Variants in MATN1 observed in about 807,000 individuals in gnomAD.
The protein encoded by MATN1 is matrilin 1.
In MATN1, 34 loss-of-function variants were observed where a neutral mutation model predicts 41.3. That is an observed-to-expected ratio of 0.82 (90% CI 0.63 to 1.10). MATN1 has a LOEUF of 1.10. Among genes scored for constraint, MATN1 ranks in the 50% least tolerant of loss-of-function variants. The probability of loss-of-function intolerance (pLI) is 0.00; values close to 1 mark genes in which losing one functional copy is unlikely to be tolerated. For missense variants in MATN1, 602 were observed against 662.4 expected (o/e 0.91, Z 1.00); for synonymous variants, 264 against 278.7 (o/e 0.95, Z 0.53).
At chr1:30,714,464 A>G in intron 6 of MATN1, 137 bp from the exon 7 acceptor site, 1 of 692,902 alleles carries the variant, frequency 1.4e-6, no homozygotes, top group Admixed American at 2.2e-5. Context: ...GAGGAGGCAG[A>G]AAGATATAGA....
At chr1:30,714,528 T>A (rs557655697) in intron 6 of MATN1, among the ~76,000 whole-genome samples, 1 of 152,320 alleles carries the variant, frequency 6.6e-6, no homozygotes, top group South Asian at 2.1e-4. Flanking sequence ...CCTGAACGTC[T>A]TCCTGGTCCC....
Position 30,721,439 on chromosome 1 carries a change from T to C in MATN1, c.407A>G (p.Glu136Gly), listed in dbSNP as rs1158109294. Reference protein sequence around the residue: ...FAITKAFGDAEGGRSRSPDIS... With the variant: ...FAITKAFGDAGGGRSRSPDIS... ...GTCAGGGGACCTGGAACGACCACCC[T>C]CTGCATCGCCGAAGGCTTTGGTGAT... Residue 136 changes from glutamate (E) to glycine (G), a missense_variant, in exon 2 of 8, where the codon GAG becomes GGG. Glu to Gly is a moderately conservative substitution (Grantham distance 98, BLOSUM62 -2). Coordinates refer to ENST00000373765, the MANE Select transcript of MATN1 (RefSeq NM_002379.3). 1.2e-6 allele frequency: 2 copies of C among 1,612,528 alleles called. No individual in the cohort carries two copies. The highest frequency in any genetic ancestry group is 2.2e-5 in the South Asian group (2 of 91,070).
In MATN1 at chr1:30,716,900, C is replaced by T; in HGVS notation, c.680G>A (p.Cys227Tyr). ...CTCACAGTCATGGTCCCCTGTGGCGCACAGGTCTGACACCACTGCGGGGAC... is the reference window on the plus strand; with the variant it reads ...CTCACAGTCATGGTCCCCTGTGGCGTACAGGTCTGACACCACTGCGGGGAC... ...QEAFCVVSDLCATGDHDCEQV... is the reference protein window; with the variant it reads ...QEAFCVVSDLYATGDHDCEQV... The change falls in exon 4 of 8, where the codon TGC becomes TAC. Residue 227 changes from cysteine (C) to tyrosine (Y), a missense_variant. Cys to Tyr is a radical substitution (Grantham distance 194, BLOSUM62 -2). Transcript: ENST00000373765. 6.2e-7 allele frequency: 1 copy of T among 1,613,436 alleles called. No homozygotes were observed. The highest frequency in any genetic ancestry group is 1.1e-5 in the South Asian group (1 of 90,960).
intron 6 of MATN1, among the ~76,000 whole-genome samples, chr1:30,714,535 TC>T (rs984472830): frequency 6.6e-6 from 1 of 152,112 alleles, no homozygotes; most frequent in Non-Finnish European, 1.5e-5. Flanking sequence ...GTCTTCCTGG[TC>T]CCTTGGAGCC....
At position 30,721,602 on chromosome 1, in the gene MATN1, T is replaced by A; in HGVS notation, c.244A>T (p.Met82Leu). 6.2e-7 allele frequency: 1 copy of A among 1,613,466 alleles called. No individual in the cohort carries two copies. The highest frequency in any genetic ancestry group is 1.3e-5 in the African/African-American group (1 of 75,056). The change falls in exon 2 of 8, where the codon ATG becomes TTG. Residue 82 changes from methionine to leucine, a missense_variant. Physicochemically the swap from Met to Leu is conservative, Grantham distance 15. Coordinates refer to ENST00000373765, the MANE Select transcript of MATN1 (RefSeq NM_002379.3). ...DVGPNATRVG[M>L]VNYASTVKQE... ...TTCACGGTGCTGGCATAGTTGACCA[T>A]GCCCACCCGGGTGGCATTGGGCCCC...
rs140934872 is a variant in MATN1, at chr1:30,713,532, G to A, written c.*50C>T. 299 of 1,543,192 alleles carry A rather than the reference G, an allele frequency of 1.9e-4. No homozygotes were observed. In the Middle Eastern group the frequency reaches 2.7e-3, roughly 14 times the overall value. On this transcript the variant is annotated 3_prime_UTR_variant, in exon 8 of 8. Transcript: ENST00000373765. ...TCCCTCACTAAAATGGTAAAGCTAC[G>A]GCGGACACGTGCAGGACGCTTGGAG...
At chr1:30,715,795 T>C in intron 5 of MATN1, 114 bp downstream of exon 5, 14 of 1,076,580 alleles carry the variant, frequency 1.3e-5, no homozygotes, top group Non-Finnish European at 1.8e-5. Context: ...TCATTCAAAC[T>C]CACCTGGGTT....
chr1:30,715,075 C>T, intron 6 of MATN1, 82 bp downstream of exon 6: 3 of 1,550,898 alleles, frequency 1.9e-6, no homozygotes, highest in Non-Finnish European at 2.6e-6. Context: ...CTTTTCCCCA[C>T]CCACACCCAG....
At chr1:30,716,363 G>C (rs1639619050) in intron 4 of MATN1, 38 bp from the exon 5 acceptor site, 1 of 1,592,790 alleles carries the variant, frequency 6.3e-7, no homozygotes, top group Non-Finnish European at 8.6e-7. Context: ...GAAGCTGAAG[G>C]ACATAGTCAA....
intron 1 of MATN1, among the ~76,000 whole-genome samples, chr1:30,722,850 G>T (rs1045537988): frequency 7.2e-5 from 11 of 152,142 alleles, no homozygotes; most frequent in African/African-American, 2.7e-4. Flanking sequence ...CTGTCTACTC[G>T]CTAAGGCTAC....
At chr1:30,715,801 G>A in intron 5 of MATN1, 108 bp downstream of exon 5, 1 of 1,137,366 alleles carries the variant, frequency 8.8e-7, no homozygotes, top group South Asian at 1.6e-5. Context: ...AAACTCACCT[G>A]GGTTTAGGGC....
At chr1:30,721,916 C>T (rs1639700851) in intron 1 of MATN1, among the ~76,000 whole-genome samples, 165 bp from the exon 2 acceptor site, 1 of 152,196 alleles carries the variant, frequency 6.6e-6, no homozygotes. Flanking sequence ...ATGCAGACAC[C>T]AGCAAGCAAC....
At chr1:30,717,265 A>G (rs1557450556) in intron 3 of MATN1, among the ~76,000 whole-genome samples, 1 of 152,228 alleles carries the variant, frequency 6.6e-6, no homozygotes, top group Non-Finnish European at 1.5e-5. Context: ...GTCAAATACC[A>G]TATAATGAGG....
intron 2 of MATN1, 148 bp from the exon 3 acceptor site, chr1:30,719,105 G>A (rs1003885877): frequency 1.7e-6 from 1 of 573,944 alleles, no homozygotes; most frequent in African/African-American, 2.0e-5. Context: ...TGGCCGAAGA[G>A]GAGACCCGTT....
Position 30,715,253 on chromosome 1 carries a change from T to C in MATN1, c.1264A>G (p.Ile422Val). ...GNAVEDELRE[I>V]ASEPVAEHYF... Reference sequence around the variant, plus strand: ...TGCTCTGCCACAGGCTCTGAGGCTATTTCCCTCAGCTCATCCTCCACGGCA... The same window carrying C: ...TGCTCTGCCACAGGCTCTGAGGCTACTTCCCTCAGCTCATCCTCCACGGCA... Residue 422 changes from isoleucine to valine, a missense_variant, in exon 6 of 8, where the codon ATA becomes GTA. Coordinates refer to ENST00000373765, the MANE Select transcript of MATN1 (RefSeq NM_002379.3). 1 of 1,614,166 alleles carries C rather than the reference T, an allele frequency of 6.2e-7. No homozygotes were observed. Among genetic ancestry groups the C allele is most frequent in the Non-Finnish European group, 8.5e-7 (1 of 1,179,978 alleles).
chr1:30,715,895 C>A lies in MATN1; in HGVS notation c.1207+14G>T. ...CCATCAGTGGTGTCCAGGGTCCAGG[C>A]AGGCAACACCTACCGAGGTCTTTGG... On this transcript the variant is annotated intron_variant, in intron 5 of 7. Transcript: ENST00000373765. 1.4e-5 allele frequency: 23 copies of A among 1,605,108 alleles called. No individual in the cohort carries two copies. Among genetic ancestry groups the A allele is most frequent in the Non-Finnish European group, 1.9e-5 (22 of 1,174,218 alleles).
rs1639554404 is a variant in MATN1 at position 30,712,183 on chromosome 1, G to A, written c.*1399C>T. ...ACACTAAAAATGCTCCATTAAACAA[G>A]AATAGGTTCAGAAAATCACCAAAGC... On this transcript the variant is annotated 3_prime_UTR_variant, in exon 8 of 8. Transcript: ENST00000373765. The A allele has an allele frequency of 2.6e-5, 4 of 152,188 alleles. No homozygotes were observed. The South Asian group carries it at 8.3e-4, about 32-fold the overall frequency. The allele number at this position is 152,188 out of a possible 1,614,324, so 9.4% of individuals were successfully genotyped here. A position where few individuals can be genotyped will look rare whatever the true frequency, so the allele number is the denominator to read the frequency against.
Position 30,722,997 on chromosome 1 carries a change from C to T in MATN1, c.94+461G>A, listed in dbSNP as rs552187291. Among the ~76,000 whole-genome samples the T allele has an allele frequency of 2.0e-5, 3 of 152,280 alleles. No individual in the cohort carries two copies. In the East Asian group the frequency reaches 5.8e-4, roughly 29 times the overall value. On this transcript the variant is annotated intron_variant, in intron 1 of 7. Transcript: ENST00000373765. ...ACTGACCTCAGTTTCCCCATCTGTA[C>T]AGGAAGAATGGGCATTCCAGGACTC...
chr1:30,717,632 TG>T (rs1490357509), intron 3 of MATN1, among the ~76,000 whole-genome samples: 4 of 151,030 alleles, frequency 2.6e-5, no homozygotes, highest in Non-Finnish European at 5.9e-5. Flanking sequence ...TGTTGTTTTT[TG>T]TGTGTGCGGT....
Sources: gnomAD v4.1 joint callset for allele counts (sites outside exome capture counted in the v4.1 genomes callset) on GRCh38, gnomAD v4.1.1 for gene constraint, MANE v1.5 for transcripts, NCBI Gene and HGNC (gene_info 2026-07-23, HGNC 2026-07-21) for gene names.